Variants in MPPED2 observed in about 807,000 individuals in gnomAD.
The protein encoded by MPPED2 is metallophosphoesterase domain containing 2.
MPPED2 carries 5 observed loss-of-function variants against 33.0 expected under a neutral mutation model. That is an observed-to-expected ratio of 0.15 (90% CI 0.08 to 0.32). The LOEUF (loss-of-function observed/expected upper bound fraction) is 0.32, where lower values mean the gene tolerates loss of function less well. MPPED2 is among the 10% of genes least tolerant of loss of function. MPPED2 has a pLI of 1.00. For missense variants in MPPED2, 275 were observed against 372.1 expected (o/e 0.74, Z 2.15); for synonymous variants, 136 against 141.9 (o/e 0.96, Z 0.29).
chr11:30,539,430 A>G (rs552924141), intron 2 of MPPED2, among the ~76,000 whole-genome samples: 107 of 152,308 alleles, frequency 7.0e-4, no homozygotes, highest in South Asian at 3.1e-3. Flanking sequence ...CATATGTTTG[A>G]GTACACCTGG....
chr11:30,460,396 G>A (rs1177999326), intron 4 of MPPED2, among the ~76,000 whole-genome samples: 1 of 152,128 alleles, frequency 6.6e-6, no homozygotes, highest in Non-Finnish European at 1.5e-5. Flanking sequence ...GAGGTGGAAG[G>A]ATCACTTGAG....
chr11:30,563,386 A>G (rs1254215694), intron 2 of MPPED2, among the ~76,000 whole-genome samples: 2 of 152,188 alleles, frequency 1.3e-5, no homozygotes, highest in Non-Finnish European at 2.9e-5. Flanking sequence ...TTGGGCTCCT[A>G]TCAGAATCTA....
intron 4 of MPPED2, among the ~76,000 whole-genome samples, chr11:30,430,634 T>C (rs514644): frequency 0.31 from 47,250 of 152,168 alleles, 9,715 homozygotes; most frequent in African/African-American, 0.57. Context: ...AAAAATGCTA[T>C]GCACAGAGTT....
In MPPED2 at chr11:30,580,790, G is replaced by A. The variant is rs533935540; in HGVS notation, c.-121-296C>T. ...GAATTACGGAAGGGGCATATCCACC[G>A]TTGCCATGGCATCTGGCTATACATG... On this transcript the variant is annotated intron_variant, in intron 1 of 6. Coordinates refer to ENST00000358117, the MANE Select transcript of MPPED2 (RefSeq NM_001584.3). Among the ~76,000 whole-genome samples, 41 of 152,236 alleles carry A rather than the reference G, an allele frequency of 2.7e-4. 1 individual carries two copies. The highest frequency in any genetic ancestry group is 1.4e-3 in the Admixed American group (21 of 15,294).
chr11:30,451,605 T>C, intron 4 of MPPED2: 1 of 762,790 alleles, frequency 1.3e-6, no homozygotes, highest in Non-Finnish European at 1.6e-6. Context: ...CCACCCTCAC[T>C]CTCACTCCAT....
chr11:30,542,762 G>A (rs1368038301), intron 2 of MPPED2, among the ~76,000 whole-genome samples: 4 of 152,116 alleles, frequency 2.6e-5, no homozygotes, highest in Non-Finnish European at 2.9e-5. Context: ...CACTGATCTG[G>A]TTTAAATTGA....
intron 3 of MPPED2, among the ~76,000 whole-genome samples, chr11:30,510,155 T>C (rs761617503): frequency 1.3e-5 from 2 of 152,224 alleles, no homozygotes; most frequent in Non-Finnish European, 2.9e-5. Flanking sequence ...ATTGTTAAGA[T>C]ACTCTTTTGT....
intron 3 of MPPED2, among the ~76,000 whole-genome samples, chr11:30,525,416 T>G (rs1020024487): frequency 7.3e-5 from 11 of 149,916 alleles, no homozygotes; most frequent in Non-Finnish European, 1.5e-4. Flanking sequence ...TTTTTTATTT[T>G]GTTTAACAGT....
downstream of MPPED2, among the ~76,000 whole-genome samples, chr11:30,405,863 C>T (rs1206819426): frequency 6.6e-6 from 1 of 152,108 alleles, no homozygotes; most frequent in Non-Finnish European, 1.5e-5. Flanking sequence ...GACAAATCCA[C>T]TGTGAGATGG....
At chr11:30,437,320 T>C (rs1949367792) in intron 4 of MPPED2, among the ~76,000 whole-genome samples, 1 of 152,206 alleles carries the variant, frequency 6.6e-6, no homozygotes, top group African/African-American at 2.4e-5. Context: ...CTTACACATC[T>C]TTGCAAATAC....
intron 5 of MPPED2, among the ~76,000 whole-genome samples, chr11:30,415,651 G>A (rs541115440): frequency 6.6e-6 from 1 of 152,174 alleles, no homozygotes; most frequent in East Asian, 1.9e-4. Flanking sequence ...TGATGTAGCT[G>A]TCACTCTGCT....
At chr11:30,486,280 G>A (rs1667914125) in intron 4 of MPPED2, among the ~76,000 whole-genome samples, 1 of 152,248 alleles carries the variant, frequency 6.6e-6, no homozygotes, top group Admixed American at 6.5e-5. Context: ...GGCAAGACCT[G>A]GAGAAGTTCA....
At chr11:30,518,064 A>T (rs1953636940) in intron 3 of MPPED2, among the ~76,000 whole-genome samples, 1 of 152,230 alleles carries the variant, frequency 6.6e-6, no homozygotes, top group African/African-American at 2.4e-5. Context: ...AAGAAATCAA[A>T]CATTAGATCT....
chr11:30,550,459 A>T (rs372317818), intron 2 of MPPED2, among the ~76,000 whole-genome samples: 1 of 152,028 alleles, frequency 6.6e-6, no homozygotes, highest in African/African-American at 2.4e-5. Context: ...TGCAGAGGGG[A>T]TGTGAGAATA....
chr11:30,513,732 A>C (rs540858310), intron 3 of MPPED2, among the ~76,000 whole-genome samples: 1 of 152,330 alleles, frequency 6.6e-6, no homozygotes, highest in East Asian at 1.9e-4. Context: ...TGTCCTATAC[A>C]TGGATCCTGG....
intron 2 of MPPED2, among the ~76,000 whole-genome samples, chr11:30,578,279 G>A (rs1215648182): frequency 1.3e-5 from 2 of 152,204 alleles, no homozygotes; most frequent in Non-Finnish European, 2.9e-5. Context: ...GCCAAACTGT[G>A]TGGCTGAAGC....
At chr11:30,520,016 C>T (rs1953766407) in intron 3 of MPPED2, among the ~76,000 whole-genome samples, 1 of 152,118 alleles carries the variant, frequency 6.6e-6, no homozygotes, top group Non-Finnish European at 1.5e-5. Context: ...TGTCTGCCCT[C>T]ACAGGCAAGT....
chr11:30,384,447 G>A (rs1462549361), downstream of MPPED2: 1 of 150,662 alleles, frequency 6.6e-6, no homozygotes, highest in East Asian at 1.9e-4. Flanking sequence ...ACCATGTTTA[G>A]GATACCCAAG....
intron 3 of MPPED2, among the ~76,000 whole-genome samples, chr11:30,534,933 T>A (rs1190273812): frequency 6.6e-6 from 1 of 152,164 alleles, no homozygotes; most frequent in Non-Finnish European, 1.5e-5. Flanking sequence ...AAAAACGTTT[T>A]AAGTCTTACC....
Sources: allele counts gnomAD v4.1 joint callset (sites outside exome capture counted in the v4.1 genomes callset), GRCh38; gene constraint gnomAD v4.1.1; transcripts MANE v1.5; gene names NCBI Gene and HGNC (gene_info 2026-07-23, HGNC 2026-07-21).